Variants in ITIH5 observed in about 807,000 individuals in gnomAD.
The protein encoded by ITIH5 is inter-alpha-trypsin inhibitor heavy chain H5.
A neutral mutation model predicts 77.5 loss-of-function variants in ITIH5; 65 were observed. The observed-to-expected ratio is 0.84, with a 90% CI of 0.69 to 1.03. ITIH5 has a LOEUF of 1.03. ITIH5 is among the 50% of genes least tolerant of loss of function. ITIH5 has a pLI of 0.00. For missense variants in ITIH5, 1,208 were observed against 1,213.1 expected, an observed-to-expected ratio of 1.00 and a Z score of 0.06; for synonymous variants, 525 against 494.3, an observed-to-expected ratio of 1.06 and a Z score of -0.82.
chr10:7,643,876 A>G (rs1489471091), intron 2 of ITIH5, among the ~76,000 whole-genome samples: 2 of 152,208 alleles, frequency 1.3e-5, no homozygotes, highest in African/African-American at 4.8e-5. Flanking sequence ...GCGTGAAATC[A>G]CGATCTGCAT....
intron 5 of ITIH5, among the ~76,000 whole-genome samples, chr10:7,627,210 G>A (rs935865000): frequency 1.3e-5 from 2 of 151,896 alleles, no homozygotes; most frequent in Non-Finnish European, 2.9e-5. Flanking sequence ...CCTAGATGAC[G>A]GGTTGATGGG....
At chr10:7,599,921 G>C (rs1832981792) in intron 7 of ITIH5, among the ~76,000 whole-genome samples, 1 of 152,196 alleles carries the variant, frequency 6.6e-6, no homozygotes, top group South Asian at 2.1e-4. Flanking sequence ...TGAGACTGGA[G>C]ACGGAGATTT....
Position 7,613,983 on chromosome 10 carries a change from G to C in ITIH5, c.939+1999C>G, listed in dbSNP as rs146279406. Among the ~76,000 whole-genome samples the C allele has an allele frequency of 5.2e-3, 787 of 152,266 alleles. 7 individuals carry two copies. The highest frequency in any genetic ancestry group is 0.02 in the Middle Eastern group (6 of 294). On this transcript the variant is annotated intron_variant, in intron 7 of 13. Coordinates refer to ENST00000397146, the MANE Select transcript of ITIH5 (RefSeq NM_030569.7). Reference sequence around the variant, plus strand: ...CAGAAACAAGCCCAAACCTTCTCTAGAGGAACAGACCATTATCTTAGGCCT... The same window carrying C: ...CAGAAACAAGCCCAAACCTTCTCTACAGGAACAGACCATTATCTTAGGCCT...
At chr10:7,566,538 G>C in intron 12 of ITIH5, 131 bp from the exon 13 acceptor site, 2 of 769,698 alleles carry the variant, frequency 2.6e-6, no homozygotes, top group Non-Finnish European at 4.1e-6. Context: ...GACCAGCCTG[G>C]GCAACACAGA....
At chr10:7,590,086 C>T (rs1338415269) in intron 7 of ITIH5, among the ~76,000 whole-genome samples, 1 of 152,114 alleles carries the variant, frequency 6.6e-6, no homozygotes, top group Non-Finnish European at 1.5e-5. Context: ...CCATCCAGAC[C>T]GACCTGCCAA....
At chr10:7,649,605 G>T (rs972867096) in intron 2 of ITIH5, among the ~76,000 whole-genome samples, 3 of 152,168 alleles carry the variant, frequency 2.0e-5, no homozygotes, top group African/African-American at 7.2e-5. Context: ...AGATAAATCA[G>T]TGAGGTCTGC....
chr10:7,617,592 T>C (rs1833395334), intron 5 of ITIH5: 1 of 189,934 alleles, frequency 5.3e-6, no homozygotes, highest in African/African-American at 2.3e-5. Flanking sequence ...CAACCTTTTG[T>C]ATGTTTTTAT....
rs560098772 is a variant in ITIH5, at chr10:7,606,569, G to A, written c.939+9413C>T. On this transcript the variant is annotated intron_variant, in intron 7 of 13. Transcript: ENST00000397146. ...CTAAACATTGAGTACACATGGACAC[G>A]AAGAAGTGAACAGACACTGGGGCCT... is the stretch of plus-strand genomic sequence containing the variant. Among the ~76,000 whole-genome samples, 72 of 152,224 alleles carry A rather than the reference G, an allele frequency of 4.7e-4. 1 individual carries two copies. The Middle Eastern group carries it at 0.017, about 36-fold the overall frequency.
chr10:7,600,475 C>T, intron 7 of ITIH5: 18 of 447,632 alleles, frequency 4.0e-5, no homozygotes, highest in South Asian at 2.7e-4. Flanking sequence ...CCCAGCCCTG[C>T]CCAGCCCACC....
intron 7 of ITIH5, among the ~76,000 whole-genome samples, chr10:7,612,413 A>G (rs1297413564): frequency 2.0e-5 from 3 of 152,234 alleles, no homozygotes; most frequent in Non-Finnish European, 4.4e-5. Context: ...GGTGTAGAAC[A>G]TTCCCATTCT....
At chr10:7,605,065 G>GC (rs749871037) in intron 7 of ITIH5, among the ~76,000 whole-genome samples, 17 of 151,796 alleles carry the variant, frequency 1.1e-4, no homozygotes, top group Non-Finnish European at 1.9e-4. Context: ...CAGATGATCT[G>GC]CCCCTCTTGG....
rs1832666848 is a variant in ITIH5, at chr10:7,585,899, A to T, written c.1108+2T>A. 1 of 1,597,966 alleles carries T rather than the reference A, an allele frequency of 6.3e-7. No homozygotes were observed. Among genetic ancestry groups the T allele is most frequent in the Admixed American group, 1.8e-5 (1 of 56,622 alleles). On this transcript the variant is annotated splice_donor_variant, in intron 8 of 13. Coordinates refer to ENST00000397146, the MANE Select transcript of ITIH5 (RefSeq NM_030569.7). LOFTEE classifies it high-confidence loss of function. The stretch of plus-strand genomic sequence containing the variant: ...AATGTGAAAAGAAGGTGTCATCTTT[A>T]CCTCCAGTGGGTGACATATGGTGAA...
At chr10:7,563,959 A>G (rs1402964166) in intron 13 of ITIH5, among the ~76,000 whole-genome samples, 1 of 152,268 alleles carries the variant, frequency 6.6e-6, no homozygotes, top group East Asian at 1.9e-4. Flanking sequence ...AATCCTGCCT[A>G]CTAAACTGAA....
chr10:7,640,642 A>G (rs1483489671), intron 4 of ITIH5, 112 bp downstream of exon 4: 1 of 671,572 alleles, frequency 1.5e-6, no homozygotes, highest in African/African-American at 1.8e-5. Context: ...ATAAAAAAGA[A>G]AGAGAAAAGT....
intron 7 of ITIH5, among the ~76,000 whole-genome samples, chr10:7,587,682 C>A (rs1391951785): frequency 3.9e-5 from 6 of 152,214 alleles, no homozygotes; most frequent in Non-Finnish European, 8.8e-5. Context: ...CAGGGCCAGC[C>A]ACACAATCAG....
At chr10:7,665,727 G>A (rs1834351024) in intron 1 of ITIH5, among the ~76,000 whole-genome samples, 1 of 152,210 alleles carries the variant, frequency 6.6e-6, no homozygotes, top group Non-Finnish European at 1.5e-5. Context: ...AAGGCTCTGA[G>A]AGATTAAAGG....
chr10:7,625,830 C>T (rs573058313), intron 5 of ITIH5, among the ~76,000 whole-genome samples: 55 of 151,908 alleles, frequency 3.6e-4, no homozygotes, highest in African/African-American at 1.3e-3. Flanking sequence ...GTAAATTTTA[C>T]ATTGTGTGCT....
At chr10:7,595,844 T>G (rs1163079219) in intron 7 of ITIH5, among the ~76,000 whole-genome samples, 1 of 151,976 alleles carries the variant, frequency 6.6e-6, no homozygotes, top group African/African-American at 2.4e-5. Flanking sequence ...CCATCTCTAC[T>G]AATAATACAA....
rs140164144 is a variant in ITIH5 at position 7,599,661 on chromosome 10, T to G, written c.940-13592A>C. ...TCCATCCTACACCTCTCATTATAAA[T>G]TCCCAGAGATGTGTCTTCACAAACA... On this transcript the variant is annotated intron_variant, in intron 7 of 13. Transcript: ENST00000397146. Among the ~76,000 whole-genome samples, 504 of 152,310 alleles carry G rather than the reference T, an allele frequency of 3.3e-3. 1 individual carries two copies. Among genetic ancestry groups the G allele is most frequent in the African/African-American group, 9.5e-3 (393 of 41,576 alleles).
Sources: allele counts gnomAD v4.1 joint callset (sites outside exome capture counted in the v4.1 genomes callset), GRCh38; gene constraint gnomAD v4.1.1; transcripts MANE v1.5; gene names NCBI Gene and HGNC (gene_info 2026-07-23, HGNC 2026-07-21).